FRK: variants seen among roughly 807,000 people sequenced by gnomAD.
The protein encoded by FRK is fyn related Src family tyrosine kinase, also known as tyrosine-protein kinase FRK.
FRK carries 51 observed loss-of-function variants against 56.4 expected under a neutral mutation model. The observed-to-expected ratio is 0.90, with a 90% CI of 0.72 to 1.14. The LOEUF (loss-of-function observed/expected upper bound fraction) is 1.14. Among genes scored for constraint, FRK ranks in the 50% most tolerant of loss-of-function variants. FRK has a pLI of 0.00. For missense variants in FRK, 570 were observed against 601.4 expected (o/e 0.95, Z 0.55); for synonymous variants, 245 against 217.9 (o/e 1.12, Z -1.10).
the FRK span, among the ~76,000 whole-genome samples, chr6:116,098,934 A>G: frequency 6.6e-6 from 1 of 152,214 alleles, no homozygotes; most frequent in Non-Finnish European, 1.5e-5. Flanking sequence ...AAAGAGTACA[A>G]GCCTCTAGGA....
At chr6:116,015,109 C>G (rs1175765433) in intron 1 of FRK, among the ~76,000 whole-genome samples, 2 of 152,120 alleles carry the variant, frequency 1.3e-5, no homozygotes, top group Non-Finnish European at 2.9e-5. Flanking sequence ...TCAAAATTTA[C>G]TTATTGATAT....
At chr6:115,952,028 T>A (rs569413968) in intron 5 of FRK, among the ~76,000 whole-genome samples, 2 of 151,974 alleles carry the variant, frequency 1.3e-5, no homozygotes, top group South Asian at 4.2e-4. Context: ...TTTGGTGGGG[T>A]TGTTTGTTTT....
intron 6 of FRK, 61 bp from the exon 7 acceptor site, chr6:115,943,246 A>T (rs2114510298): frequency 8.2e-7 from 1 of 1,221,414 alleles, no homozygotes; most frequent in Non-Finnish European, 1.1e-6. Flanking sequence ...TGCTAACCTC[A>T]TTCATCTATA....
Position 115,968,627 on chromosome 6 carries a change from G to GTA in FRK, c.577_578dup (p.Lys195ProfsTer16), listed in dbSNP as rs1562262875. 6.2e-7 allele frequency: 1 copy of GTA among 1,613,876 alleles called. No homozygotes were observed. Among genetic ancestry groups the GTA allele is most frequent in the Admixed American group, 1.7e-5 (1 of 59,996 alleles). ...CACACAGGCCGTCACTTGTCTTGGT[G>GTA]TAGTGGCTCACAAATTCGTTCAGTG... On this transcript the variant is annotated frameshift_variant, in exon 3 of 8. Transcript: ENST00000606080. LOFTEE classifies it high-confidence loss of function.
intron 1 of FRK, among the ~76,000 whole-genome samples, chr6:116,033,095 T>C (rs890739813): frequency 6.6e-6 from 1 of 152,058 alleles, no homozygotes; most frequent in Non-Finnish European, 1.5e-5. Flanking sequence ...TCAGCATACT[T>C]GAGCAAGAAA....
chr6:115,942,420 T>A lies in FRK; in HGVS notation c.1512A>T (p.Ile504=). The A allele has an allele frequency of 1.9e-6, 3 of 1,610,376 alleles. No homozygotes were observed. Among genetic ancestry groups the A allele is most frequent in the Non-Finnish European group, 2.5e-6 (3 of 1,176,742 alleles). Residue 504 remains isoleucine, a synonymous_variant, in exon 8 of 8, where the codon ATA becomes ATT. Transcript: ENST00000606080. ...DSSYSDANNF[I]R ...TGATATTCTTCTCCAGTGTTCATCT[T>A]ATGAAGTTATTTGCATCTGAATATG...
intron 1 of FRK, among the ~76,000 whole-genome samples, chr6:116,024,048 C>T (rs945866483): frequency 7.7e-6 from 1 of 129,980 alleles, no homozygotes; most frequent in Non-Finnish European, 1.6e-5. Flanking sequence ...CTATAGAATC[C>T]TGAGAACTTA....
rs1477624742 is a variant in FRK, at chr6:115,939,576, A to G, written c.*2838T>C. Reference sequence around the variant, plus strand: ...TGCAGATGATATGAATTGTATATATAGGGAACCCCACCATCTCAGCCCAAA... The same window carrying G: ...TGCAGATGATATGAATTGTATATATGGGGAACCCCACCATCTCAGCCCAAA... On this transcript the variant is annotated 3_prime_UTR_variant, in exon 8 of 8. Coordinates refer to ENST00000606080, the MANE Select transcript of FRK (RefSeq NM_002031.3). 3 of 152,224 alleles carry G rather than the reference A, an allele frequency of 2.0e-5. No individual in the cohort carries two copies. Among genetic ancestry groups the G allele is most frequent in the Non-Finnish European group, 4.4e-5 (3 of 68,050 alleles). 9.4% of individuals were successfully genotyped at this position (152,224 alleles called of 1,614,324 possible).
chr6:116,001,624 G>T (rs1775067952), intron 2 of FRK, among the ~76,000 whole-genome samples: 1 of 152,128 alleles, frequency 6.6e-6, no homozygotes, highest in African/African-American at 2.4e-5. Flanking sequence ...AACAATCAAG[G>T]TTCAGCTGTA....
At chr6:116,069,698 G>A in the FRK span, among the ~76,000 whole-genome samples, 1 of 152,158 alleles carries the variant, frequency 6.6e-6, no homozygotes, top group Non-Finnish European at 1.5e-5. Flanking sequence ...ATGTCATTCT[G>A]CACTAGAGCA....
In FRK at chr6:116,016,436, T is replaced by A. The variant is rs544507350; in HGVS notation, c.345-12438A>T. Among the ~76,000 whole-genome samples, 10 of 152,364 alleles carry A rather than the reference T, an allele frequency of 6.6e-5. No homozygotes were observed. In the South Asian group the frequency reaches 2.1e-3, roughly 32 times the overall value. ...AATTATCACATGTACCCAGAGAATA[T>A]GTACATCTTTTATGTACCAATAAAA... is the stretch of plus-strand genomic sequence containing the variant. On this transcript the variant is annotated intron_variant, in intron 1 of 7. Coordinates refer to ENST00000606080, the MANE Select transcript of FRK (RefSeq NM_002031.3).
the FRK span, among the ~76,000 whole-genome samples, chr6:116,100,506 G>T: frequency 6.6e-6 from 1 of 152,312 alleles, no homozygotes; most frequent in Non-Finnish European, 1.5e-5. Flanking sequence ...TGATCTCCTG[G>T]TTTCCGAGGC....
intron 1 of FRK, among the ~76,000 whole-genome samples, chr6:116,043,747 C>T (rs979129795): frequency 6.6e-6 from 1 of 151,976 alleles, no homozygotes; most frequent in African/African-American, 2.4e-5. Flanking sequence ...CCAAGTAGAA[C>T]TGAAGGAGAT....
Position 116,060,383 on chromosome 6 carries a change from C to G in FRK, c.-72G>C. On this transcript the variant is annotated 5_prime_UTR_variant, in exon 1 of 8. Transcript: ENST00000606080. ...TAGTCTCTGCGATCCACCTTATCTT[C>G]CTTCACCAGGCAACTTTGAAGTCAG... The G allele has an allele frequency of 8.0e-7, 1 of 1,254,144 alleles. No individual in the cohort carries two copies. The highest frequency in any genetic ancestry group is 1.4e-5 in the South Asian group (1 of 70,688). 77.7% of individuals were successfully genotyped at this position (1,254,144 alleles called of 1,614,324 possible).
chr6:115,931,266 C>A lies in FRK; in HGVS notation c.*11148G>T, dbSNP rs1396590344. ...TTTGATATAATTATCATAATAAATC[C>A]AGTGTGAATAAAAATAGAATACATA... On this transcript the variant is annotated 3_prime_UTR_variant, in exon 8 of 8. Coordinates refer to ENST00000606080, the MANE Select transcript of FRK (RefSeq NM_002031.3). The A allele has an allele frequency of 1.3e-5, 2 of 151,976 alleles. No homozygotes were observed. The highest frequency in any genetic ancestry group is 2.4e-5 in the African/African-American group (1 of 41,376). The allele number at this position is 151,976 out of a possible 1,614,324, so 9.4% of individuals were successfully genotyped here. A position where few individuals can be genotyped will look rare whatever the true frequency, so the allele number is the denominator to read the frequency against.
intron 1 of FRK, among the ~76,000 whole-genome samples, chr6:116,049,578 T>C (rs1425298538): frequency 6.6e-6 from 1 of 152,298 alleles, no homozygotes; most frequent in East Asian, 1.9e-4. Flanking sequence ...AAGTACAGGC[T>C]CTGAGAGCAA....
intron 2 of FRK, among the ~76,000 whole-genome samples, chr6:115,969,068 C>A (rs1159828139): frequency 2.6e-5 from 4 of 152,102 alleles, no homozygotes; most frequent in African/African-American, 9.7e-5. Context: ...AGAAGGACAC[C>A]TTACCATTTT....
chr6:116,076,463 C>A, the FRK span, among the ~76,000 whole-genome samples: 1 of 152,010 alleles, frequency 6.6e-6, no homozygotes, highest in African/African-American at 2.4e-5. Flanking sequence ...TAGATTTTTG[C>A]TATCTTTTTA....
the FRK span, among the ~76,000 whole-genome samples, chr6:116,069,603 G>T: frequency 6.6e-6 from 1 of 151,970 alleles, no homozygotes; most frequent in African/African-American, 2.4e-5. Context: ...AATCTCACTT[G>T]GTTTTCCTAG....
Sources: gnomAD v4.1 joint callset for allele counts (sites outside exome capture counted in the v4.1 genomes callset) on GRCh38, gnomAD v4.1.1 for gene constraint, MANE v1.5 for transcripts, NCBI Gene and HGNC (gene_info 2026-07-23, HGNC 2026-07-21) for gene names.